Variants in LMO3 observed in about 807,000 individuals in gnomAD.
LMO3 encodes the protein LIM domain only protein 3.
Under a neutral mutation model 15.8 loss-of-function variants are expected in LMO3, and 2 were observed. That is an observed-to-expected ratio of 0.13 (90% confidence interval 0.05 to 0.40). The LOEUF is 0.40. Ranked by LOEUF, LMO3 falls within the 10% of genes least tolerant of loss-of-function variation. LMO3 has a pLI of 0.99. For synonymous variants in LMO3, 62 were observed against 63.8 expected, an observed-to-expected ratio of 0.97 and a Z score of 0.13; for missense variants, 86 against 182.2, an observed-to-expected ratio of 0.47 and a Z score of 3.04.
intron 2 of LMO3, among the ~76,000 whole-genome samples, chr12:16,569,049 T>C (rs577562079): frequency 1.3e-5 from 2 of 152,308 alleles, no homozygotes; most frequent in South Asian, 2.1e-4. Flanking sequence ...ATTGTTCCAG[T>C]TTCAGGCTTA....
At position 16,586,349 on chromosome 12, in the gene LMO3, A is replaced by G. The variant is rs1456287670; in HGVS notation, c.206+14306T>C. 6.6e-6 allele frequency among the ~76,000 whole-genome samples: 1 copy of G among 152,218 alleles called. No homozygotes were observed. The highest frequency in any genetic ancestry group is 1.5e-5 in the Non-Finnish European group (1 of 68,048). ...ACTAAGAAACAACTAAAACACGTGC[A>G]TGAATGGAGAACCACTGCATGGCTG... On this transcript the variant is annotated intron_variant, in intron 2 of 3. Coordinates refer to ENST00000537304, the MANE Select transcript of LMO3 (RefSeq NM_018640.5). The surrounding 1 kb of genome is among the most constrained non-coding windows in gnomAD (Gnocchi z 4.3).
intron 2 of LMO3, among the ~76,000 whole-genome samples, chr12:16,567,763 T>G (rs532856603): frequency 6.6e-6 from 1 of 152,040 alleles, no homozygotes; most frequent in Non-Finnish European, 1.5e-5. Flanking sequence ...AAGTTGGTAT[T>G]TTAAGAGAAT....
rs973567147 is a variant in LMO3 at position 16,560,679 on chromosome 12, G to T, written c.207-141C>A. ...TACACAAGTGGATTTTATCCTAGGT[G>T]TATGCATAAATATTCTTCTGCAATA... On this transcript the variant is annotated intron_variant, in intron 2 of 3. Coordinates refer to ENST00000537304, the MANE Select transcript of LMO3 (RefSeq NM_018640.5). This position sits in a 1 kb window ranked among gnomAD's most constrained non-coding sequence, Gnocchi z 5.0. The T allele has an allele frequency of 2.8e-6, 2 of 714,522 alleles. No individual in the cohort carries two copies. Among genetic ancestry groups the T allele is most frequent in the African/African-American group, 3.6e-5 (2 of 56,156 alleles). The allele number at this position is 714,522 out of a possible 1,614,324, so 44.3% of individuals were successfully genotyped here.
intron 2 of LMO3, among the ~76,000 whole-genome samples, chr12:16,561,974 T>TA (rs1240124879): frequency 1.3e-5 from 2 of 152,202 alleles, no homozygotes; most frequent in Non-Finnish European, 2.9e-5. Context: ...TTATTTTCCT[T>TA]AATGAATTAA....
Position 16,589,717 on chromosome 12 carries a change from T to A in LMO3, c.206+10938A>T, listed in dbSNP as rs1016435665. 6.6e-6 allele frequency: 1 copy of A among 152,066 alleles called. No individual in the cohort carries two copies. The highest frequency in any genetic ancestry group is 1.5e-5 in the Non-Finnish European group (1 of 67,988). 9.4% of individuals were successfully genotyped at this position (152,066 alleles called of 1,614,324 possible). A position where few individuals can be genotyped will look rare whatever the true frequency, so the allele number is the denominator to read the frequency against. ...AAGCAACTTTTCTTTAAGATCAAGC[T>A]CAAATTGATCTGCCTTGGAAGACGA... On this transcript the variant is annotated intron_variant, in intron 2 of 3. Coordinates refer to ENST00000537304, the MANE Select transcript of LMO3 (RefSeq NM_018640.5). This position sits in a 1 kb window ranked among gnomAD's most constrained non-coding sequence, Gnocchi z 4.2.
chr12:16,559,790 T>C lies in LMO3; in HGVS notation c.332+623A>G, dbSNP rs1440539437. 7.5e-6 allele frequency among the ~76,000 whole-genome samples: 1 copy of C among 132,784 alleles called. No individual in the cohort carries two copies. The highest frequency in any genetic ancestry group is 1.6e-5 in the Non-Finnish European group (1 of 60,682). 87.1% of individuals were successfully genotyped at this position (132,784 alleles called of 152,430 possible). On this transcript the variant is annotated intron_variant, in intron 3 of 3. Transcript: ENST00000537304. This position sits in a 1 kb window ranked among gnomAD's most constrained non-coding sequence, Gnocchi z 4.1. Reference sequence around the variant, plus strand: ...ACATAGTGAAACTCCATCATCTCTATAAAAAATGAAAAAAAAAAAAAATTA... The same window carrying C: ...ACATAGTGAAACTCCATCATCTCTACAAAAAATGAAAAAAAAAAAAAATTA...
At chr12:16,575,850 T>A (rs1454895103) in intron 2 of LMO3, among the ~76,000 whole-genome samples, 1 of 152,082 alleles carries the variant, frequency 6.6e-6, no homozygotes, top group Non-Finnish European at 1.5e-5. Context: ...GGCCTTACAG[T>A]CTAGTTCTCC....
rs907958267 is a variant in LMO3 at position 16,606,069 on chromosome 12, C to G, written c.-12G>C. On this transcript the variant is annotated 5_prime_UTR_variant, in exon 1 of 4. Transcript: ENST00000537304. Reference sequence around the variant, plus strand: ...TGTACACAGTTGCTGCACTTACCTTCTCAATTAAGCGATACAGGGGGAGGC... The same window carrying G: ...TGTACACAGTTGCTGCACTTACCTTGTCAATTAAGCGATACAGGGGGAGGC... 2.0e-6 allele frequency: 1 copy of G among 510,632 alleles called. No individual in the cohort carries two copies. The highest frequency in any genetic ancestry group is 2.0e-5 in the African/African-American group (1 of 50,862). The allele number at this position is 510,632 out of a possible 1,614,324, so 31.6% of individuals were successfully genotyped here.
chr12:16,552,369 A>T (rs1035633231), intron 3 of LMO3, among the ~76,000 whole-genome samples: 1 of 152,054 alleles, frequency 6.6e-6, no homozygotes, highest in Non-Finnish European at 1.5e-5. Context: ...AGTCAATTTC[A>T]AATGATGTTC....
At chr12:16,601,788 A>G (rs1302004865) in intron 1 of LMO3, 1 of 152,202 alleles carries the variant, frequency 6.6e-6, no homozygotes, top group Non-Finnish European at 1.5e-5. Flanking sequence ...ATCATAAATA[A>G]GGAATCCAGC....
At chr12:16,609,362 T>G (rs1037132591), upstream of LMO3, 1 of 152,198 alleles carries the variant, frequency 6.6e-6, no homozygotes, top group Non-Finnish European at 1.5e-5. Context: ...ATTTGTGCTT[T>G]TGTTTACTCA....
At position 16,593,990 on chromosome 12, in the gene LMO3, T is replaced by G; in HGVS notation, c.206+6665A>C. On this transcript the variant is annotated intron_variant, in intron 2 of 3. Transcript: ENST00000537304. The surrounding 1 kb of genome is among the most constrained non-coding windows in gnomAD (Gnocchi z 4.2). ...TTAGATATTTAAAATCACAAGGAAA[T>G]AAATTTAGGCATTCTGTAGTTTTAT... 1.5e-6 allele frequency: 1 copy of G among 656,742 alleles called. No individual in the cohort carries two copies. Among genetic ancestry groups the G allele is most frequent in the Non-Finnish European group, 2.4e-6 (1 of 411,718 alleles). 40.7% of individuals were successfully genotyped at this position (656,742 alleles called of 1,614,324 possible).
intron 2 of LMO3, among the ~76,000 whole-genome samples, chr12:16,588,263 T>C (rs976327571): frequency 6.6e-6 from 1 of 151,866 alleles, no homozygotes; most frequent in Non-Finnish European, 1.5e-5. Flanking sequence ...AATATACAAA[T>C]TGAAGGTGTG....
intron 2 of LMO3, chr12:16,573,470 A>G (rs1942889806): frequency 6.6e-6 from 1 of 152,174 alleles, no homozygotes; most frequent in Admixed American, 6.5e-5. Flanking sequence ...CACATGTATA[A>G]ATAAAGTACT....
Position 16,593,925 on chromosome 12 carries a change from C to A in LMO3, c.206+6730G>T, listed in dbSNP as rs1048693783. On this transcript the variant is annotated intron_variant, in intron 2 of 3. Transcript: ENST00000537304. This position sits in a 1 kb window ranked among gnomAD's most constrained non-coding sequence, Gnocchi z 4.2. ...TATCATAGTAAAAACAGAACTAGAA[C>A]AGGCAGTATCAAACTCCCTCGGAGC... 2.6e-5 allele frequency among the ~76,000 whole-genome samples: 4 copies of A among 151,684 alleles called. No individual in the cohort carries two copies. The highest frequency in any genetic ancestry group is 9.7e-5 in the African/African-American group (4 of 41,384).
intron 2 of LMO3, chr12:16,567,632 A>G (rs1426964155): frequency 2.6e-5 from 4 of 152,192 alleles, no homozygotes; most frequent in Non-Finnish European, 5.9e-5. Context: ...TTTAAAGGCT[A>G]TTTTTTAAAT....
intron 2 of LMO3, among the ~76,000 whole-genome samples, chr12:16,581,757 T>A (rs990761522): frequency 4.6e-5 from 7 of 152,096 alleles, no homozygotes; most frequent in Non-Finnish European, 8.8e-5. Flanking sequence ...TTAAAAAGAT[T>A]TCTTCATATG....
Position 16,604,430 on chromosome 12 carries a change from C to T in LMO3, c.-9+1636G>A, listed in dbSNP as rs1179607767. On this transcript the variant is annotated intron_variant, in intron 1 of 3. Coordinates refer to ENST00000537304, the MANE Select transcript of LMO3 (RefSeq NM_018640.5). This position sits in a 1 kb window ranked among gnomAD's most constrained non-coding sequence, Gnocchi z 5.3. ...TTTTCTCCAATGCAGCTGCAAGGCTCAGAGATACTGACATTTTTCCACTCT... is the reference window on the plus strand; with the variant it reads ...TTTTCTCCAATGCAGCTGCAAGGCTTAGAGATACTGACATTTTTCCACTCT... Among the ~76,000 whole-genome samples the T allele has an allele frequency of 6.6e-6, 1 of 152,042 alleles. No homozygotes were observed. Among genetic ancestry groups the T allele is most frequent in the Non-Finnish European group, 1.5e-5 (1 of 68,034 alleles).
intron 2 of LMO3, among the ~76,000 whole-genome samples, chr12:16,565,365 CT>C (rs916843719): frequency 6.6e-6 from 1 of 152,054 alleles, no homozygotes; most frequent in Admixed American, 6.6e-5. Flanking sequence ...TCTTCTTTTA[CT>C]TTTTCAACTA....
Sources: gnomAD v4.1 joint callset for allele counts (sites outside exome capture counted in the v4.1 genomes callset) on GRCh38, gnomAD v4.1.1 for gene constraint, Gnocchi (gnomAD v3.1) non-coding constraint, MANE v1.5 for transcripts, NCBI Gene and HGNC (gene_info 2026-07-23, HGNC 2026-07-21) for gene names.